The following ZFHX4 variants were observed in gnomAD, a reference collection of about 807,000 sequenced individuals.
ZFHX4 encodes the protein zinc finger homeobox protein 4.
ZFHX4 carries 56 observed loss-of-function variants against 267.6 expected under a neutral mutation model. The ratio of observed to expected loss-of-function variants is 0.21; its 90% CI spans 0.17 to 0.26. The LOEUF (loss-of-function observed/expected upper bound fraction) is 0.26, where lower values mean the gene tolerates loss of function less well. ZFHX4 is among the 10% of genes least tolerant of loss of function. The pLI, the probability that ZFHX4 is intolerant of heterozygous loss-of-function variation, is 1.00. For missense variants in ZFHX4, 4,332 were observed against 4,420.0 expected (o/e 0.98, Z 0.56); for synonymous variants, 1,778 against 1,665.6 (o/e 1.07, Z -1.64).
At position 76,851,405 on chromosome 8, in the gene ZFHX4, A is replaced by G. The variant is rs1274099069; in HGVS notation, c.4484A>G (p.His1495Arg). Residue 1495 changes from histidine to arginine, a missense_variant, in exon 10 of 11, where the codon CAC becomes CGC. Physicochemically the swap from His to Arg is conservative, Grantham distance 29. Around this residue, in one of 7 missense-constraint regions of ZFHX4, gnomAD observed 1,371 missense variants for 1,423.1 expected, o/e 0.96. Transcript: ENST00000651372. Reference sequence around the variant, plus strand: ...ATGGAGAGAGAGTATGAGGTGGACCACGAAGGGAAAGCAAGTCCTGTAGGA... The same window carrying G: ...ATGGAGAGAGAGTATGAGGTGGACCGCGAAGGGAAAGCAAGTCCTGTAGGA... The part of the protein sequence containing the change: ...QEMEREYEVD[H>R]EGKASPVGSD... 1.2e-6 allele frequency: 2 copies of G among 1,613,804 alleles called. No homozygotes were observed. The highest frequency in any genetic ancestry group is 1.7e-6 in the Non-Finnish European group (2 of 1,179,882).
intron 3 of ZFHX4, among the ~76,000 whole-genome samples, chr8:76,770,839 C>T (rs573567867): frequency 1.3e-5 from 2 of 152,044 alleles, no homozygotes; most frequent in Non-Finnish European, 2.9e-5. Context: ...TCAGAATGAA[C>T]CTTACACTTG....
rs1808523470 is a variant in ZFHX4 at position 76,714,875 on chromosome 8, A to G, written c.3093+6827A>G. Among the ~76,000 whole-genome samples, 3 of 152,170 alleles carry G rather than the reference A, an allele frequency of 2.0e-5. No individual in the cohort carries two copies. The South Asian group carries it at 6.2e-4, about 32-fold the overall frequency. ...CATTTGGTGCTTAGATGTCGGGGAC[A>G]TTAAAGTTGTTCAGAGTTAAATCTA... On this transcript the variant is annotated intron_variant, in intron 3 of 10. Coordinates refer to ENST00000651372, the MANE Select transcript of ZFHX4 (RefSeq NM_024721.5).
chr8:76,753,825 A>C (rs1358313188), intron 3 of ZFHX4, among the ~76,000 whole-genome samples: 5 of 152,062 alleles, frequency 3.3e-5, no homozygotes, highest in Non-Finnish European at 7.4e-5. Flanking sequence ...ATGGAGTCTT[A>C]CTATGTTGCC....
intron 1 of ZFHX4, among the ~76,000 whole-genome samples, chr8:76,694,970 GAGT>G (rs1465802039): frequency 6.6e-6 from 1 of 151,832 alleles, no homozygotes; most frequent in Non-Finnish European, 1.5e-5. Context: ...CAGGACCAAT[GAGT>G]GTATGAGTGC....
intron 3 of ZFHX4, among the ~76,000 whole-genome samples, chr8:76,758,308 A>G (rs1809817354): frequency 6.6e-6 from 1 of 152,188 alleles, no homozygotes; most frequent in Admixed American, 6.5e-5. Context: ...AAAATTACCA[A>G]GGAGGATAGG....
In ZFHX4 at chr8:76,864,604, T is replaced by TAAA; in HGVS notation, c.*44_*46dup. 1 of 1,259,234 alleles carries TAAA rather than the reference T, an allele frequency of 7.9e-7. No homozygotes were observed. Among genetic ancestry groups the TAAA allele is most frequent in the Non-Finnish European group, 1.0e-6 (1 of 978,672 alleles). 78.0% of individuals were successfully genotyped at this position (1,259,234 alleles called of 1,614,324 possible). Reference sequence around the variant, plus strand: ...ATCCCGTGCTTAAAAAAATAAAAAATAAAAAAATAAAAAAAAAATAAGACT... The same window carrying TAAA: ...ATCCCGTGCTTAAAAAAATAAAAAATAAAAAAAAAATAAAAAAAAAATAAGACT... On this transcript the variant is annotated 3_prime_UTR_variant, in exon 11 of 11. Coordinates refer to ENST00000651372, the MANE Select transcript of ZFHX4 (RefSeq NM_024721.5).
At chr8:76,774,369 A>G (rs1260777494) in intron 3 of ZFHX4, among the ~76,000 whole-genome samples, 1 of 152,194 alleles carries the variant, frequency 6.6e-6, no homozygotes, top group East Asian at 1.9e-4. Context: ...AGATTTAAAA[A>G]TAGACGTTCT....
intron 5 of ZFHX4, among the ~76,000 whole-genome samples, chr8:76,842,449 A>G (rs1300686817): frequency 6.6e-6 from 1 of 152,216 alleles, no homozygotes; most frequent in Non-Finnish European, 1.5e-5. Context: ...AATGGATACA[A>G]AAGAAGATCC....
At chr8:76,729,551 C>T (rs1263625207) in intron 3 of ZFHX4, among the ~76,000 whole-genome samples, 2 of 152,062 alleles carry the variant, frequency 1.3e-5, no homozygotes, top group Non-Finnish European at 2.9e-5. Context: ...CATATTATTC[C>T]AATTAATTGG....
Position 76,853,206 on chromosome 8 carries a change from T to C in ZFHX4, c.6285T>C (p.Leu2095=). The C allele has an allele frequency of 6.4e-7, 1 of 1,561,274 alleles. No homozygotes were observed. The highest frequency in any genetic ancestry group is 8.7e-7 in the Non-Finnish European group (1 of 1,152,524). The change falls in exon 10 of 11, where the codon CTT becomes CTC. Residue 2095 remains leucine, a synonymous_variant. Coordinates refer to ENST00000651372, the MANE Select transcript of ZFHX4 (RefSeq NM_024721.5). ...PVQHPALPPQ[L]ALQLPQMDAL... ...AACACCCTGCGCTTCCTCCCCAGCTTGCCCTGCAGCTGCCACAGATGGACG... is the reference window on the plus strand; with the variant it reads ...AACACCCTGCGCTTCCTCCCCAGCTCGCCCTGCAGCTGCCACAGATGGACG...
chr8:76,748,784 G>A (rs1432941507), intron 3 of ZFHX4, among the ~76,000 whole-genome samples: 1 of 152,050 alleles, frequency 6.6e-6, no homozygotes, highest in Non-Finnish European at 1.5e-5. Context: ...TCCACTTACT[G>A]CACCTTTTCT....
At chr8:76,780,088 A>C (rs1810509658) in intron 4 of ZFHX4, among the ~76,000 whole-genome samples, 1 of 152,104 alleles carries the variant, frequency 6.6e-6, no homozygotes, top group Admixed American at 6.5e-5. Context: ...ATGGTAACCC[A>C]TCATCAGTCT....
At position 76,865,418 on chromosome 8, in the gene ZFHX4, CTATACTGTCAAGG is replaced by C. The variant is rs974274114; in HGVS notation, c.*856_*868del. 84 of 152,650 alleles carry C rather than the reference CTATACTGTCAAGG, an allele frequency of 5.5e-4. No individual in the cohort carries two copies. Among genetic ancestry groups the C allele is most frequent in the Admixed American group, 5.4e-3 (82 of 15,276 alleles). 9.5% of individuals were successfully genotyped at this position (152,650 alleles called of 1,614,324 possible). On this transcript the variant is annotated 3_prime_UTR_variant, in exon 11 of 11. Transcript: ENST00000651372. Reference sequence around the variant, plus strand: ...ACATTTTTCATTTGTGAATTTAATGCTATACTGTCAAGGTACTTGCTTGTGTCTGAACTCTAGT... The same window carrying C: ...ACATTTTTCATTTGTGAATTTAATGCTACTTGCTTGTGTCTGAACTCTAGT...
Position 76,704,118 on chromosome 8 carries a change from A to C in ZFHX4, c.30A>C (p.Ser10=). The part of the protein sequence containing the change: METCDSPPI[S]RQENGQSTSK... ...AAACCTGTGACTCCCCTCCTATCTCAAGGCAGGAAAATGGGCAGAGCACAT... is the reference window on the plus strand; with the variant it reads ...AAACCTGTGACTCCCCTCCTATCTCCAGGCAGGAAAATGGGCAGAGCACAT... Residue 10 remains serine (S), a synonymous_variant, in exon 2 of 11, where the codon TCA becomes TCC. Coordinates refer to ENST00000651372, the MANE Select transcript of ZFHX4 (RefSeq NM_024721.5). 11 of 1,612,722 alleles carry C rather than the reference A, an allele frequency of 6.8e-6. No homozygotes were observed. Among genetic ancestry groups the C allele is most frequent in the Non-Finnish European group, 9.3e-6 (11 of 1,179,188 alleles).
intron 5 of ZFHX4, among the ~76,000 whole-genome samples, chr8:76,834,880 T>C: frequency 6.6e-6 from 1 of 151,958 alleles, no homozygotes; most frequent in East Asian, 1.9e-4. Context: ...AGTTTTGTGT[T>C]TTGCAGTTAG....
At position 76,856,049 on chromosome 8, in the gene ZFHX4, T is replaced by C. The variant is rs1321683374; in HGVS notation, c.9128T>C (p.Leu3043Pro). 1 of 1,613,926 alleles carries C rather than the reference T, an allele frequency of 6.2e-7. No individual in the cohort carries two copies. The highest frequency in any genetic ancestry group is 1.1e-5 in the South Asian group (1 of 91,080). Residue 3043 changes from leucine to proline, a missense_variant, in exon 10 of 11, where the codon CTC becomes CCC. Around this residue, in one of 7 missense-constraint regions of ZFHX4, gnomAD observed 1,648 missense variants for 1,625.0 expected, o/e 1.01. Transcript: ENST00000651372. ...SKVRETVGSQ[L>P]DREKDYLAPT... is the part of the protein sequence containing the mutation. ...GTGAGGGAGACCGTTGGCAGTCAGC[T>C]CGATCGGGAGAAAGATTACTTGGCT...
At chr8:76,762,143 A>C (rs575614835) in intron 3 of ZFHX4, among the ~76,000 whole-genome samples, 5 of 152,314 alleles carry the variant, frequency 3.3e-5, no homozygotes, top group African/African-American at 1.2e-4. Context: ...CACCATCCCC[A>C]CTAGTGCTAC....
intron 3 of ZFHX4, among the ~76,000 whole-genome samples, chr8:76,769,525 A>G (rs1345139216): frequency 6.6e-6 from 1 of 151,756 alleles, no homozygotes; most frequent in Non-Finnish European, 1.5e-5. Context: ...TAATTTTTGT[A>G]TTTTTTGTAG....
intron 10 of ZFHX4, among the ~76,000 whole-genome samples, chr8:76,862,285 T>C (rs1313961299): frequency 1.3e-5 from 2 of 152,176 alleles, no homozygotes; most frequent in Non-Finnish European, 1.5e-5. Context: ...GTTTCCCATC[T>C]CTAATGAGGT....
Sources: gnomAD v4.1 joint callset for allele counts (sites outside exome capture counted in the v4.1 genomes callset) on GRCh38, gnomAD v4.1.1 for gene constraint, gnomAD v4.1.1 regional missense constraint, MANE v1.5 for transcripts, NCBI Gene and HGNC (gene_info 2026-07-23, HGNC 2026-07-21) for gene names.